Variants in ADRA1A observed in about 807,000 individuals in gnomAD.
ADRA1A encodes alpha-1A adrenergic receptor.
ADRA1A carries 31 observed loss-of-function variants against 29.6 expected under a neutral mutation model. The observed-to-expected ratio is 1.05, with a 90% confidence interval of 0.79 to 1.41. The LOEUF (loss-of-function observed/expected upper bound fraction) is 1.41. Ranked by LOEUF, ADRA1A falls within the 40% of genes most tolerant of loss-of-function variation. The pLI, the probability that ADRA1A is intolerant of heterozygous loss-of-function variation, is 0.00. For missense variants in ADRA1A, 619 were observed against 601.1 expected, an observed-to-expected ratio of 1.03 and a Z score of -0.31; for synonymous variants, 311 against 254.3, an observed-to-expected ratio of 1.22 and a Z score of -2.12.
chr8:26,827,147 A>G (rs1810634967), intron 2 of ADRA1A, among the ~76,000 whole-genome samples: 1 of 152,220 alleles, frequency 6.6e-6, no homozygotes, highest in Non-Finnish European at 1.5e-5. Flanking sequence ...CACTAAATAA[A>G]GGTTAACCTT....
Position 26,860,290 on chromosome 8 carries a change from A to T in ADRA1A, c.883+3797T>A, listed in dbSNP as rs1044926037. ...GCTCAGCCACCACTGCAAGCTCCAAACTCTCAGGCCACCCATCGTCACCTG... is the reference window on the plus strand; with the variant it reads ...GCTCAGCCACCACTGCAAGCTCCAATCTCTCAGGCCACCCATCGTCACCTG... On this transcript the variant is annotated intron_variant, in intron 2 of 2. Coordinates refer to ENST00000380573, the MANE Select transcript of ADRA1A (RefSeq NM_000680.4). This position sits in a 1 kb window ranked among gnomAD's most constrained non-coding sequence, Gnocchi z 4.7. Among the ~76,000 whole-genome samples, 1 of 151,656 alleles carries T rather than the reference A, an allele frequency of 6.6e-6. No homozygotes were observed. Among genetic ancestry groups the T allele is most frequent in the Non-Finnish European group, 1.5e-5 (1 of 67,910 alleles).
At chr8:26,855,828 G>A (rs972311273) in intron 2 of ADRA1A, among the ~76,000 whole-genome samples, 1 of 152,200 alleles carries the variant, frequency 6.6e-6, no homozygotes. Context: ...TGTCAAACTG[G>A]CAAACCAAAT....
At position 26,841,934 on chromosome 8, in the gene ADRA1A, G is replaced by A. The variant is rs577665701; in HGVS notation, c.883+22153C>T. ...GGTGAGTCTCCCACTTTTCCAAAAC[G>A]TTGTGCAAGTTCTGCTTGTTTTTTC... On this transcript the variant is annotated intron_variant, in intron 2 of 2. Transcript: ENST00000380573. The surrounding 1 kb of genome is among the most constrained non-coding windows in gnomAD (Gnocchi z 4.4). Among the ~76,000 whole-genome samples, 42 of 152,074 alleles carry A rather than the reference G, an allele frequency of 2.8e-4. No homozygotes were observed. The highest frequency in any genetic ancestry group is 4.4e-4 in the Non-Finnish European group (30 of 68,000).
intron 2 of ADRA1A, among the ~76,000 whole-genome samples, chr8:26,850,799 A>G (rs1812575456): frequency 6.6e-6 from 1 of 152,174 alleles, no homozygotes; most frequent in Non-Finnish European, 1.5e-5. Context: ...GCCCTTGCTT[A>G]TATCTTTATA....
intron 2 of ADRA1A, among the ~76,000 whole-genome samples, chr8:26,778,083 C>A (rs1240051280): frequency 6.6e-6 from 1 of 152,206 alleles, no homozygotes; most frequent in Non-Finnish European, 1.5e-5. Flanking sequence ...GAATTTCATC[C>A]TGGATGAGTC....
chr8:26,749,956 C>A (rs977654061), intron 2 of ADRA1A, among the ~76,000 whole-genome samples: 6 of 152,168 alleles, frequency 3.9e-5, no homozygotes, highest in East Asian at 1.9e-4. Flanking sequence ...GGGCTAGAGG[C>A]ACATGAGCAT....
In ADRA1A at chr8:26,864,043, G is replaced by C; in HGVS notation, c.883+44C>G. 6.4e-7 allele frequency: 1 copy of C among 1,557,658 alleles called. No individual in the cohort carries two copies. The highest frequency in any genetic ancestry group is 8.7e-7 in the Non-Finnish European group (1 of 1,152,556). ...TCTGGGGTAACAGAAGCCGAGGAGGGTGAAGACCCCCAGATGCTAAAGTGA... is the reference window on the plus strand; with the variant it reads ...TCTGGGGTAACAGAAGCCGAGGAGGCTGAAGACCCCCAGATGCTAAAGTGA... On this transcript the variant is annotated intron_variant, in intron 2 of 2. Transcript: ENST00000380573. This position sits in a 1 kb window ranked among gnomAD's most constrained non-coding sequence, Gnocchi z 8.1.
intron 2 of ADRA1A, among the ~76,000 whole-genome samples, chr8:26,856,382 T>G (rs762099600): frequency 2.0e-5 from 3 of 152,254 alleles, no homozygotes; most frequent in Non-Finnish European, 2.9e-5. Context: ...TTGATAATCT[T>G]GAAATGCTGT....
intron 2 of ADRA1A, among the ~76,000 whole-genome samples, chr8:26,782,545 A>G (rs184642007): frequency 1.3e-5 from 2 of 152,196 alleles, no homozygotes; most frequent in African/African-American, 4.8e-5. Flanking sequence ...TAAATGTCAC[A>G]TTTAGAAATC....
rs1806759312 is a variant in ADRA1A at position 26,779,033 on chromosome 8, C to T, written c.884-8367G>A. On this transcript the variant is annotated intron_variant, in intron 2 of 2. Transcript: ENST00000380573. ...ACCCAGTCTAAAGAAGAGTAATCTTCAAACTCACACCTGCTGAATGGCTTA... is the reference window on the plus strand; with the variant it reads ...ACCCAGTCTAAAGAAGAGTAATCTTTAAACTCACACCTGCTGAATGGCTTA... 3 of 256,792 alleles carry T rather than the reference C, an allele frequency of 1.2e-5. No individual in the cohort carries two copies. In the East Asian group the frequency reaches 2.3e-4, roughly 19 times the overall value. 15.9% of individuals were successfully genotyped at this position (256,792 alleles called of 1,614,324 possible).
Position 26,770,617 on chromosome 8 carries a change from T to C in ADRA1A, c.933A>G (p.Val311=). ...AGCTGTTTAGATATCCGAGCCAAAA[T>C]ACTATTTTAAAAACTGTTTCAGAGG... is the stretch of plus-strand genomic sequence containing the variant. ...FKPSETVFKI[V]FWLGYLNSCI... is the part of the protein sequence containing the mutation. The change falls in exon 3 of 3, where the codon GTA becomes GTG. Residue 311 remains valine (V), a synonymous_variant. Transcript: ENST00000380573. 6.2e-7 allele frequency: 1 copy of C among 1,614,116 alleles called. No individual in the cohort carries two copies. Among genetic ancestry groups the C allele is most frequent in the Non-Finnish European group, 8.5e-7 (1 of 1,180,006 alleles).
intron 2 of ADRA1A, chr8:26,748,851 C>A: frequency 2.8e-6 from 1 of 359,768 alleles, no homozygotes; most frequent in Non-Finnish European, 5.3e-6. Context: ...TCCCAGCTTG[C>A]ATTTGGCCAA....
At chr8:26,781,379 GTCTC>G (rs777098923) in intron 2 of ADRA1A, among the ~76,000 whole-genome samples, 2 of 152,156 alleles carry the variant, frequency 1.3e-5, no homozygotes, top group Admixed American at 1.3e-4. Context: ...CTTCATTCGT[GTCTC>G]TCTAAGTGAT....
chr8:26,807,908 A>G (rs1809114810), intron 2 of ADRA1A, among the ~76,000 whole-genome samples: 1 of 152,106 alleles, frequency 6.6e-6, no homozygotes, highest in Admixed American at 6.5e-5. Flanking sequence ...CCCTCTCTAC[A>G]CCATCACCTC....
Position 26,861,870 on chromosome 8 carries a change from G to A in ADRA1A, c.883+2217C>T, listed in dbSNP as rs141940399. ...TACCACCTCTACCTGTCTCACCTGA[G>A]TCCAAGATGTCATGACCTCTCTCCC... is the stretch of plus-strand genomic sequence containing the variant. On this transcript the variant is annotated intron_variant, in intron 2 of 2. Coordinates refer to ENST00000380573, the MANE Select transcript of ADRA1A (RefSeq NM_000680.4). Among the ~76,000 whole-genome samples the A allele has an allele frequency of 2.0e-4, 30 of 152,148 alleles. 1 individual carries two copies. The highest frequency in any genetic ancestry group is 6.8e-3 in the Middle Eastern group (2 of 294).
intron 2 of ADRA1A, among the ~76,000 whole-genome samples, chr8:26,800,669 A>C (rs149189928): frequency 6.6e-6 from 1 of 152,198 alleles, no homozygotes; most frequent in Admixed American, 6.5e-5. Flanking sequence ...GCTGAATTCT[A>C]CCAAATATTC....
At chr8:26,793,338 G>T (rs1449545552) in intron 2 of ADRA1A, among the ~76,000 whole-genome samples, 1 of 151,962 alleles carries the variant, frequency 6.6e-6, no homozygotes, top group Non-Finnish European at 1.5e-5. Context: ...AGAAAATACT[G>T]AAAATGAGAG....
chr8:26,853,647 T>A (rs1812793058), intron 2 of ADRA1A: 1 of 152,208 alleles, frequency 6.6e-6, no homozygotes, highest in African/African-American at 2.4e-5. Context: ...ATAAGCCTTT[T>A]GAGACTATCT....
intron 2 of ADRA1A, among the ~76,000 whole-genome samples, chr8:26,783,047 A>G (rs917396317): frequency 2.0e-5 from 3 of 152,180 alleles, no homozygotes; most frequent in Non-Finnish European, 2.9e-5. Context: ...CTAGAACCTC[A>G]TATCAGTTTT....
Sources: allele counts gnomAD v4.1 joint callset (sites outside exome capture counted in the v4.1 genomes callset), GRCh38; gene constraint gnomAD v4.1.1; non-coding constraint Gnocchi (gnomAD v3.1); transcripts MANE v1.5; gene names NCBI Gene and HGNC (gene_info 2026-07-23, HGNC 2026-07-21).